The following KLRG1 variants were observed in gnomAD, a reference collection of about 807,000 sequenced individuals.
KLRG1 encodes killer cell lectin-like receptor subfamily G member 1.
KLRG1 carries 16 observed loss-of-function variants against 21.8 expected under a neutral mutation model. The ratio of observed to expected loss-of-function variants is 0.73; its 90% confidence interval spans 0.50 to 1.11. KLRG1 has a LOEUF of 1.11. Ranked by LOEUF, KLRG1 falls within the 50% of genes most tolerant of loss-of-function variation. KLRG1 has a pLI of 0.00. For synonymous variants in KLRG1, 69 were observed against 75.9 expected, an observed-to-expected ratio of 0.91 and a Z score of 0.47; for missense variants, 173 against 218.3, an observed-to-expected ratio of 0.79 and a Z score of 1.31.
chr12:9,084,348 A>C, the KLRG1 span, among the ~76,000 whole-genome samples: 11 of 152,210 alleles, frequency 7.2e-5, no homozygotes, highest in Non-Finnish European at 1.6e-4. Flanking sequence ...ACAAGGGTTA[A>C]AAGACAAAAT....
At chr12:9,008,017 T>G (rs931924035) in intron 3 of KLRG1, among the ~76,000 whole-genome samples, 22 of 152,314 alleles carry the variant, frequency 1.4e-4, no homozygotes, top group South Asian at 8.3e-4. Flanking sequence ...ACTTTGCAGA[T>G]CAAAGTCTTT....
chr12:9,014,962 ATAT>A (rs1947679745), downstream of KLRG1, among the ~76,000 whole-genome samples: 2 of 152,156 alleles, frequency 1.3e-5, no homozygotes, highest in African/African-American at 4.8e-5. Flanking sequence ...GGGTTATAAG[ATAT>A]TATTTGCAAG....
the KLRG1 span, among the ~76,000 whole-genome samples, chr12:9,183,557 G>A: frequency 6.6e-6 from 1 of 152,054 alleles, no homozygotes; most frequent in Admixed American, 6.6e-5. Flanking sequence ...ACAACACCAC[G>A]TTTGGCTAAT....
At chr12:9,011,763 C>A (rs1279277934), downstream of KLRG1, among the ~76,000 whole-genome samples, 1 of 152,212 alleles carries the variant, frequency 6.6e-6, no homozygotes, top group Non-Finnish European at 1.5e-5. Flanking sequence ...CCACCCCTTC[C>A]CCATCTCCCA....
the KLRG1 span, among the ~76,000 whole-genome samples, chr12:9,143,667 G>A: frequency 6.6e-6 from 1 of 152,052 alleles, no homozygotes; most frequent in African/African-American, 2.4e-5. Flanking sequence ...AGGTCCCTGA[G>A]AATTTGAAAA....
the KLRG1 span, chr12:9,058,171 G>A: frequency 2.6e-5 from 4 of 152,146 alleles, no homozygotes; most frequent in East Asian, 5.8e-4. Context: ...CTGACTGTGA[G>A]TAATAGATCT....
the KLRG1 span, among the ~76,000 whole-genome samples, chr12:9,192,894 C>T: frequency 6.6e-6 from 1 of 152,206 alleles, no homozygotes; most frequent in African/African-American, 2.4e-5. Context: ...AATTTTCAGT[C>T]TCCCAACATT....
chr12:9,165,909 G>A, the KLRG1 span: 24 of 952,948 alleles, frequency 2.5e-5, no homozygotes, highest in Admixed American at 3.6e-4. Flanking sequence ...ATGCAATTGC[G>A]CATTTTACTT....
At chr12:9,096,931 G>A in the KLRG1 span, among the ~76,000 whole-genome samples, 1 of 152,134 alleles carries the variant, frequency 6.6e-6, no homozygotes, top group African/African-American at 2.4e-5. Flanking sequence ...AAATAAATGT[G>A]TTGAATGAAT....
At chr12:9,167,217 A>G in the KLRG1 span, 1 of 152,280 alleles carries the variant, frequency 6.6e-6, no homozygotes, top group Admixed American at 6.5e-5. Context: ...TCCATTTTCT[A>G]CTGGATATGT....
chr12:9,194,119 T>A, the KLRG1 span: 5 of 1,613,854 alleles, frequency 3.1e-6, no homozygotes, highest in Admixed American at 1.7e-5. Context: ...TAGTATTGAT[T>A]GAAAACTGTG....
chr12:9,160,863 C>T, the KLRG1 span, among the ~76,000 whole-genome samples: 3 of 151,020 alleles, frequency 2.0e-5, no homozygotes, highest in South Asian at 2.1e-4. Context: ...TGCAGTGAGC[C>T]GAGATCACGT....
At chr12:9,015,916 G>A in the KLRG1 span, among the ~76,000 whole-genome samples, 1 of 152,120 alleles carries the variant, frequency 6.6e-6, no homozygotes, top group Non-Finnish European at 1.5e-5. Context: ...TGACAGGTGA[G>A]CCAATGAAGA....
At chr12:9,063,638 A>G in the KLRG1 span, among the ~76,000 whole-genome samples, 2 of 152,204 alleles carry the variant, frequency 1.3e-5, no homozygotes, top group Non-Finnish European at 2.9e-5. Flanking sequence ...CCAGTATTAC[A>G]TATGAATTTG....
At chr12:9,072,891 G>A in the KLRG1 span, 1 of 1,601,998 alleles carries the variant, frequency 6.2e-7, no homozygotes, top group Non-Finnish European at 8.5e-7. Flanking sequence ...ACAGATGAGT[G>A]AGAGAACCCA....
chr12:9,163,902 A>G, the KLRG1 span: 2 of 1,364,422 alleles, frequency 1.5e-6, no homozygotes, highest in Non-Finnish European at 2.0e-6. Flanking sequence ...CTAAAAAAAA[A>G]GAAACCCACA....
intron 2 of KLRG1, among the ~76,000 whole-genome samples, chr12:8,992,953 G>A (rs1157793777): frequency 1.3e-5 from 2 of 151,546 alleles, no homozygotes; most frequent in Admixed American, 1.3e-4. Context: ...TTTGTATATT[G>A]CTTTTTAATT....
chr12:9,142,999 C>T, the KLRG1 span, among the ~76,000 whole-genome samples: 1 of 152,138 alleles, frequency 6.6e-6, no homozygotes, highest in Admixed American at 6.5e-5. Context: ...GGGAAAAAAC[C>T]TTTTCCAGGA....
chr12:9,183,698 T>C, the KLRG1 span, among the ~76,000 whole-genome samples: 5 of 152,204 alleles, frequency 3.3e-5, no homozygotes, highest in Admixed American at 3.3e-4. Flanking sequence ...CAAAATTTAC[T>C]TTTTTAAAAT....
Sources: allele counts gnomAD v4.1 joint callset (sites outside exome capture counted in the v4.1 genomes callset), GRCh38; gene constraint gnomAD v4.1.1; transcripts MANE v1.5; gene names NCBI Gene and HGNC (gene_info 2026-07-23, HGNC 2026-07-21).